SPATA6: variants seen among roughly 807,000 people sequenced by gnomAD.
SPATA6 encodes spermatogenesis-associated protein 6.
SPATA6 carries 56 observed loss-of-function variants against 65.3 expected under a neutral mutation model. That is an observed-to-expected ratio of 0.86 (90% CI 0.69 to 1.07). The LOEUF is 1.07. SPATA6 is among the 50% of genes least tolerant of loss of function. SPATA6 has a pLI of 0.00. For missense variants in SPATA6, 590 were observed against 594.8 expected (o/e 0.99, Z 0.08); for synonymous variants, 199 against 213.2 (o/e 0.93, Z 0.58).
At chr1:48,433,905 C>T (rs1485262730) in intron 3 of SPATA6, among the ~76,000 whole-genome samples, 2 of 152,042 alleles carry the variant, frequency 1.3e-5, no homozygotes, top group Non-Finnish European at 2.9e-5. Context: ...AACTGAGAAG[C>T]AGGAGCTCTA....
chr1:48,276,448 C>T, the SPATA6 span, among the ~76,000 whole-genome samples: 1 of 152,104 alleles, frequency 6.6e-6, no homozygotes. Context: ...TTAGATCTTT[C>T]CCACTTTCAC....
At chr1:48,387,549 C>T (rs1054673599) in intron 8 of SPATA6, among the ~76,000 whole-genome samples, 2 of 152,184 alleles carry the variant, frequency 1.3e-5, no homozygotes, top group African/African-American at 4.8e-5. Flanking sequence ...CTACCTTCCA[C>T]AATCCAAGCA....
At chr1:48,292,016 A>C (rs912766387), downstream of SPATA6, among the ~76,000 whole-genome samples, 3 of 152,208 alleles carry the variant, frequency 2.0e-5, no homozygotes, top group Non-Finnish European at 4.4e-5. Flanking sequence ...AAGCATCTAA[A>C]GGACAATTAC....
intron 11 of SPATA6, among the ~76,000 whole-genome samples, chr1:48,311,050 A>G (rs1645194824): frequency 6.6e-6 from 1 of 152,200 alleles, no homozygotes; most frequent in African/African-American, 2.4e-5. Context: ...AACAAAACAT[A>G]TAAAACTTAA....
Position 48,451,605 on chromosome 1 carries a change from A to C in SPATA6, c.190-5T>G. 1 of 1,610,392 alleles carries C rather than the reference A, an allele frequency of 6.2e-7. No individual in the cohort carries two copies. The highest frequency in any genetic ancestry group is 8.5e-7 in the Non-Finnish European group (1 of 1,178,428). ...ATCTACTGCGTCCGGGAACACCTAT[A>C]GTGAGACGATACAGGGAGAGGCAGG... On this transcript the variant is annotated splice_region_variant and splice_polypyrimidine_tract_variant and intron_variant, in intron 2 of 12. Coordinates refer to ENST00000371847, the MANE Select transcript of SPATA6 (RefSeq NM_019073.4).
At chr1:48,275,381 A>G in the SPATA6 span, among the ~76,000 whole-genome samples, 4 of 152,164 alleles carry the variant, frequency 2.6e-5, no homozygotes, top group Admixed American at 2.0e-4. Context: ...ACTATGTTGA[A>G]TAGGAGTGGT....
At chr1:48,327,596 A>G (rs1426257237) in intron 11 of SPATA6, among the ~76,000 whole-genome samples, 1 of 152,192 alleles carries the variant, frequency 6.6e-6, no homozygotes, top group East Asian at 1.9e-4. Flanking sequence ...GAACTTGGGC[A>G]AAGAAAATGT....
rs990457520 is a variant in SPATA6, at chr1:48,359,798, T to C, written c.910-28A>G. ...GTTTTAAAAATTATATACATATAGA[T>C]ATACAAATACAGATACATATGTATA... On this transcript the variant is annotated intron_variant, in intron 9 of 12. Transcript: ENST00000371847. The C allele has an allele frequency of 4.6e-6, 7 of 1,527,368 alleles. No homozygotes were observed. The African/African-American group carries it at 9.7e-5, about 21-fold the overall frequency. The allele number at this position is 1,527,368 out of a possible 1,614,324, so 94.6% of individuals were successfully genotyped here.
chr1:48,342,400 G>C (rs1475839866), intron 11 of SPATA6, among the ~76,000 whole-genome samples: 4 of 151,994 alleles, frequency 2.6e-5, no homozygotes, highest in African/African-American at 9.7e-5. Flanking sequence ...TGGATCACAA[G>C]GTCAGAAGAT....
chr1:48,419,058 C>T (rs1482980056), intron 3 of SPATA6, among the ~76,000 whole-genome samples: 1 of 152,136 alleles, frequency 6.6e-6, no homozygotes, highest in African/African-American at 2.4e-5. Flanking sequence ...AACATGATTA[C>T]AAACTAGAAA....
chr1:48,471,858 G>C (rs1890320), intron 1 of SPATA6, 100 bp downstream of exon 1: 6 of 1,375,034 alleles, frequency 4.4e-6, no homozygotes, highest in Non-Finnish European at 6.1e-6. Flanking sequence ...GGGATGATTC[G>C]GAGGGTGAAG....
chr1:48,279,287 A>C, the SPATA6 span, among the ~76,000 whole-genome samples: 45 of 152,206 alleles, frequency 3.0e-4, no homozygotes, highest in Admixed American at 1.3e-4. Flanking sequence ...CGAGCAAAAT[A>C]ACCAGATAAC....
At chr1:48,379,791 A>C (rs1230907443) in intron 9 of SPATA6, among the ~76,000 whole-genome samples, 1 of 152,200 alleles carries the variant, frequency 6.6e-6, no homozygotes, top group East Asian at 1.9e-4. Flanking sequence ...TGACATAATA[A>C]ATGAAAATCC....
intron 3 of SPATA6, among the ~76,000 whole-genome samples, chr1:48,439,194 A>G (rs1323717808): frequency 1.3e-5 from 2 of 151,886 alleles, no homozygotes; most frequent in African/African-American, 4.8e-5. Flanking sequence ...ACTAAATCCA[A>G]TTTTTCTCGG....
At chr1:48,440,298 G>A (rs998993645) in intron 3 of SPATA6, among the ~76,000 whole-genome samples, 1 of 152,186 alleles carries the variant, frequency 6.6e-6, no homozygotes, top group Admixed American at 6.5e-5. Flanking sequence ...AGATGATCCT[G>A]ATAGGTATAC....
At chr1:48,322,855 T>C (rs1341776287) in intron 11 of SPATA6, among the ~76,000 whole-genome samples, 1 of 152,154 alleles carries the variant, frequency 6.6e-6, no homozygotes, top group African/African-American at 2.4e-5. Flanking sequence ...GAAATGCAAA[T>C]CAAAACCACA....
chr1:48,467,923 C>T (rs1657936369), intron 1 of SPATA6, among the ~76,000 whole-genome samples: 2 of 152,050 alleles, frequency 1.3e-5, no homozygotes, highest in Admixed American at 1.3e-4. Flanking sequence ...GAAAGGGGAA[C>T]CCTTGTACAC....
At chr1:48,368,344 C>G (rs1163540402) in intron 9 of SPATA6, among the ~76,000 whole-genome samples, 6 of 152,146 alleles carry the variant, frequency 3.9e-5, no homozygotes, top group African/African-American at 1.4e-4. Context: ...GTTGGTCTGC[C>G]TTGCTAGATT....
chr1:48,269,447 T>A, the SPATA6 span, among the ~76,000 whole-genome samples: 2 of 152,154 alleles, frequency 1.3e-5, no homozygotes, highest in Non-Finnish European at 2.9e-5. Flanking sequence ...TGTTCAACTG[T>A]AGAACCAACA....
Sources: gnomAD v4.1 joint callset for allele counts (sites outside exome capture counted in the v4.1 genomes callset) on GRCh38, gnomAD v4.1.1 for gene constraint, MANE v1.5 for transcripts, NCBI Gene and HGNC (gene_info 2026-07-23, HGNC 2026-07-21) for gene names.